Variants in GALNT18 observed in about 807,000 individuals in gnomAD.
The protein encoded by GALNT18 is GalNAc-transferase 18.
A neutral mutation model predicts 69.5 loss-of-function variants in GALNT18; 44 were observed. The ratio of observed to expected loss-of-function variants is 0.63; its 90% CI spans 0.50 to 0.81. The LOEUF (loss-of-function observed/expected upper bound fraction) is 0.81, where lower values mean the gene tolerates loss of function less well. Among genes scored for constraint, GALNT18 ranks in the 40% least tolerant of loss-of-function variants. GALNT18 has a pLI of 0.00. For missense variants in GALNT18, 715 were observed against 810.0 expected, an observed-to-expected ratio of 0.88 and a Z score of 1.42; for synonymous variants, 364 against 318.2, an observed-to-expected ratio of 1.14 and a Z score of -1.53.
In GALNT18 at chr11:11,315,096, A is replaced by C. The variant is rs1849730737; in HGVS notation, c.1512+11990T>G. Among the ~76,000 whole-genome samples, 2 of 152,086 alleles carry C rather than the reference A, an allele frequency of 1.3e-5. No individual in the cohort carries two copies. The highest frequency in any genetic ancestry group is 2.9e-5 in the Non-Finnish European group (2 of 67,996). ...TATATATGTGTACATACAGAAGTAA[A>C]TGCATAAACAGATATATAAATATTA... On this transcript the variant is annotated intron_variant, in intron 9 of 10. Transcript: ENST00000227756. This position sits in a 1 kb window ranked among gnomAD's most constrained non-coding sequence, Gnocchi z 5.6.
chr11:11,359,965 A>G (rs981356203), intron 6 of GALNT18, among the ~76,000 whole-genome samples: 1 of 152,232 alleles, frequency 6.6e-6, no homozygotes, highest in Non-Finnish European at 1.5e-5. Context: ...ACAACAATTA[A>G]TAATACACAC....
chr11:11,390,208 C>A (rs1352678696), intron 3 of GALNT18, among the ~76,000 whole-genome samples: 6 of 152,284 alleles, frequency 3.9e-5, no homozygotes, highest in African/African-American at 2.4e-5. Flanking sequence ...CCTGGTCCAG[C>A]CTTCTCTGCA....
Position 11,621,486 on chromosome 11 carries a change from G to T in GALNT18, c.108C>A (p.Ile36=). 1 of 1,614,128 alleles carries T rather than the reference G, an allele frequency of 6.2e-7. No homozygotes were observed. The highest frequency in any genetic ancestry group is 8.5e-7 in the Non-Finnish European group (1 of 1,180,018). ...LLYVGWVTNY[I]ASVYVRGQEP... is the part of the protein sequence containing the mutation. ...CCTGCCCCCGCACATACACGCTGGCGATGTAGTTGGTGACCCAGCCCACGT... is the reference window on the plus strand; with the variant it reads ...CCTGCCCCCGCACATACACGCTGGCTATGTAGTTGGTGACCCAGCCCACGT... The change falls in exon 1 of 11, where the codon ATC becomes ATA. Residue 36 remains isoleucine (I), a synonymous_variant. Coordinates refer to ENST00000227756, the MANE Select transcript of GALNT18 (RefSeq NM_198516.3). This position sits in a 1 kb window ranked among gnomAD's most constrained non-coding sequence, Gnocchi z 9.3.
At chr11:11,352,173 C>A in intron 6 of GALNT18, 3 of 1,613,674 alleles carry the variant, frequency 1.9e-6, no homozygotes, top group Non-Finnish European at 2.5e-6. Flanking sequence ...CATGGCCTCT[C>A]TTGCAGTAAG....
chr11:11,378,030 C>T (rs1433386368), intron 4 of GALNT18, among the ~76,000 whole-genome samples: 1 of 152,188 alleles, frequency 6.6e-6, no homozygotes, highest in Non-Finnish European at 1.5e-5. Context: ...ACATTTGGTG[C>T]ATAATTGTTT....
intron 1 of GALNT18, among the ~76,000 whole-genome samples, chr11:11,571,247 C>T (rs9919579): frequency 0.53 from 81,022 of 152,018 alleles, 22,260 homozygotes; most frequent in South Asian, 0.69. Context: ...CAGCCTGACC[C>T]TTGGGCTGTG....
chr11:11,459,592 C>T lies in GALNT18; in HGVS notation c.236-10656G>A, dbSNP rs561016017. 3.3e-5 allele frequency among the ~76,000 whole-genome samples: 5 copies of T among 152,262 alleles called. No homozygotes were observed. The South Asian group carries it at 6.2e-4, about 19-fold the overall frequency. On this transcript the variant is annotated intron_variant, in intron 1 of 10. Transcript: ENST00000227756. This position sits in a 1 kb window ranked among gnomAD's most constrained non-coding sequence, Gnocchi z 5.0. ...TGAGGAGCTCTGGAGGCACCTCTGC[C>T]CTGGATTGGCTGTGTGACCCTCATC...
rs919445125 is a variant in GALNT18 at position 11,404,765 on chromosome 11, C to T, written c.596-25501G>A. Among the ~76,000 whole-genome samples the T allele has an allele frequency of 6.6e-6, 1 of 152,166 alleles. No individual in the cohort carries two copies. The highest frequency in any genetic ancestry group is 2.1e-4 in the South Asian group (1 of 4,828). ...CCTCAACCTTCCTCCCGGCTCCAGC[C>T]CCGCACAGACCCTGACCATACCCTG... is the stretch of plus-strand genomic sequence containing the variant. On this transcript the variant is annotated intron_variant, in intron 3 of 10. Coordinates refer to ENST00000227756, the MANE Select transcript of GALNT18 (RefSeq NM_198516.3). The surrounding 1 kb of genome is among the most constrained non-coding windows in gnomAD (Gnocchi z 4.5).
intron 1 of GALNT18, among the ~76,000 whole-genome samples, chr11:11,610,225 T>C (rs1859861384): frequency 6.6e-6 from 1 of 152,338 alleles, no homozygotes. Context: ...TATTTTCTCT[T>C]GATCAACATT....
intron 2 of GALNT18, among the ~76,000 whole-genome samples, chr11:11,437,048 C>G (rs545616782): frequency 3.9e-5 from 6 of 152,290 alleles, no homozygotes; most frequent in African/African-American, 1.4e-4. Context: ...CAGCCGGGAC[C>G]CTGCCTACTC....
chr11:11,284,361 C>T (rs1849148176), intron 10 of GALNT18, among the ~76,000 whole-genome samples: 3 of 152,174 alleles, frequency 2.0e-5, no homozygotes, highest in Admixed American at 2.0e-4. Context: ...ATCACTGCCC[C>T]TCTCACTTCT....
intron 1 of GALNT18, among the ~76,000 whole-genome samples, chr11:11,577,636 C>G (rs965410385): frequency 6.6e-6 from 1 of 152,212 alleles, no homozygotes; most frequent in African/African-American, 2.4e-5. Flanking sequence ...AGCACAGAAT[C>G]CTAGGCTCAA....
intron 1 of GALNT18, among the ~76,000 whole-genome samples, chr11:11,532,916 A>T (rs11021909): frequency 0.017 from 2,516 of 152,344 alleles, 35 homozygotes; most frequent in Non-Finnish European, 0.026. Flanking sequence ...AATGCCAGGT[A>T]ATTAACTAGA....
rs556797465 is a variant in GALNT18 at position 11,287,974 on chromosome 11, A to G, written c.1677+5055T>C. Among the ~76,000 whole-genome samples the G allele has an allele frequency of 1.7e-3, 257 of 152,264 alleles. 1 individual carries two copies. The highest frequency in any genetic ancestry group is 2.9e-3 in the Non-Finnish European group (200 of 68,006). On this transcript the variant is annotated intron_variant, in intron 10 of 10. Transcript: ENST00000227756. ...TCCTCCCTGATAGCTGCATGTCCCC[A>G]CACCCCTGTGGCAACCAAGTCCTCC...
chr11:11,322,678 C>G (rs948454599), intron 9 of GALNT18, among the ~76,000 whole-genome samples: 3 of 152,180 alleles, frequency 2.0e-5, no homozygotes, highest in Admixed American at 2.0e-4. Context: ...AACTAGAACT[C>G]TAATATAAAG....
intron 10 of GALNT18, among the ~76,000 whole-genome samples, chr11:11,275,620 C>A (rs545991558): frequency 6.6e-6 from 1 of 152,092 alleles, no homozygotes; most frequent in Non-Finnish European, 1.5e-5. Context: ...GCCGATGTCC[C>A]GAATGGTACT....
At chr11:11,478,322 T>G (rs1373279752) in intron 1 of GALNT18, among the ~76,000 whole-genome samples, 1 of 152,236 alleles carries the variant, frequency 6.6e-6, no homozygotes, top group African/African-American at 2.4e-5. Flanking sequence ...TAAAGACATT[T>G]TCAGACATGC....
intron 6 of GALNT18, among the ~76,000 whole-genome samples, chr11:11,357,565 C>T (rs1184962723): frequency 6.6e-6 from 1 of 152,208 alleles, no homozygotes; most frequent in African/African-American, 2.4e-5. Context: ...TGTCTAATGC[C>T]TTTTCTCCAC....
chr11:11,429,186 C>T (rs1855208745), intron 3 of GALNT18, among the ~76,000 whole-genome samples: 1 of 152,198 alleles, frequency 6.6e-6, no homozygotes, highest in African/African-American at 2.4e-5. Flanking sequence ...GTTCCTTGTC[C>T]TTCCACCTGT....
Sources: allele counts gnomAD v4.1 joint callset (sites outside exome capture counted in the v4.1 genomes callset), GRCh38; gene constraint gnomAD v4.1.1; non-coding constraint Gnocchi (gnomAD v3.1); transcripts MANE v1.5; gene names NCBI Gene and HGNC (gene_info 2026-07-23, HGNC 2026-07-21).